Variants in GABBR2 observed in about 807,000 individuals in gnomAD.
The protein encoded by GABBR2 is gamma-aminobutyric acid type B receptor subunit 2.
A neutral mutation model predicts 105.6 loss-of-function variants in GABBR2; 23 were observed. The observed-to-expected ratio is 0.22, with a 90% CI of 0.16 to 0.31. GABBR2 has a LOEUF of 0.31. Among genes scored for constraint, GABBR2 ranks in the 10% least tolerant of loss-of-function variants. GABBR2 has a pLI of 1.00. For synonymous variants in GABBR2, 478 were observed against 499.7 expected, an observed-to-expected ratio of 0.96 and a Z score of 0.58; for missense variants, 734 against 1,245.5, an observed-to-expected ratio of 0.59 and a Z score of 6.18.
chr9:98,483,810 C>T (rs1826982831), intron 4 of GABBR2, among the ~76,000 whole-genome samples: 1 of 152,174 alleles, frequency 6.6e-6, no homozygotes, highest in South Asian at 2.1e-4. Flanking sequence ...GCCACTTCTT[C>T]CTCTGTGAGC....
chr9:98,546,694 A>G lies in GABBR2; in HGVS notation c.460-4651T>C, dbSNP rs187544079. On this transcript the variant is annotated intron_variant, in intron 2 of 18. Coordinates refer to ENST00000259455, the MANE Select transcript of GABBR2 (RefSeq NM_005458.8). ...GTTTTTAAATACACATCTTGAAAAGAGCATATGGACAGATTTTAAAATATG... is the reference window on the plus strand; with the variant it reads ...GTTTTTAAATACACATCTTGAAAAGGGCATATGGACAGATTTTAAAATATG... Among the ~76,000 whole-genome samples, 52 of 152,322 alleles carry G rather than the reference A, an allele frequency of 3.4e-4. 1 individual carries two copies. In the East Asian group the frequency reaches 9.6e-3, roughly 28 times the overall value.
intron 7 of GABBR2, among the ~76,000 whole-genome samples, chr9:98,418,286 C>T (rs1414802211): frequency 3.3e-5 from 5 of 152,038 alleles, no homozygotes; most frequent in African/African-American, 1.2e-4. Flanking sequence ...TGCCTGTAAT[C>T]CCAGCATTTT....
At chr9:98,571,799 T>C (rs560267131) in intron 2 of GABBR2, among the ~76,000 whole-genome samples, 35 of 152,306 alleles carry the variant, frequency 2.3e-4, no homozygotes, top group Admixed American at 4.6e-4. Context: ...TGCTCCATGC[T>C]GGAAGCTTCC....
chr9:98,317,158 G>A (rs1830732499), intron 13 of GABBR2, among the ~76,000 whole-genome samples: 1 of 152,242 alleles, frequency 6.6e-6, no homozygotes, highest in African/African-American at 2.4e-5. Context: ...CTGAACTCAG[G>A]CTGATAAAAT....
intron 12 of GABBR2, among the ~76,000 whole-genome samples, chr9:98,368,567 T>A (rs1200782175): frequency 6.6e-6 from 1 of 152,198 alleles, no homozygotes; most frequent in Admixed American, 6.5e-5. Flanking sequence ...ACAACTGAAC[T>A]CCTGCCGTTT....
intron 9 of GABBR2, 146 bp downstream of exon 9, chr9:98,394,029 T>C (rs1832242310): frequency 1.6e-6 from 1 of 628,714 alleles, no homozygotes; most frequent in East Asian, 2.7e-5. Flanking sequence ...TGGAGCCCTG[T>C]GCTCAACGAT....
In GABBR2 at chr9:98,543,067, G is replaced by A. The variant is rs1478535473; in HGVS notation, c.460-1024C>T. Among the ~76,000 whole-genome samples the A allele has an allele frequency of 2.0e-5, 3 of 152,204 alleles. No individual in the cohort carries two copies. The South Asian group carries it at 6.2e-4, about 32-fold the overall frequency. On this transcript the variant is annotated intron_variant, in intron 2 of 18. Transcript: ENST00000259455. ...TTTTAATTTACACTCGATAGTCAAA[G>A]CTGTCCATCGTTCTCTTTATTATTT...
chr9:98,489,768 C>A (rs1014849893), intron 4 of GABBR2, among the ~76,000 whole-genome samples: 2 of 152,004 alleles, frequency 1.3e-5, no homozygotes, highest in Non-Finnish European at 2.9e-5. Context: ...AAGGCAGGGA[C>A]GGAGTCCAAC....
chr9:98,423,331 G>A (rs902371729), intron 7 of GABBR2, among the ~76,000 whole-genome samples: 24 of 152,152 alleles, frequency 1.6e-4, no homozygotes, highest in African/African-American at 5.6e-4. Flanking sequence ...ATCTCATTGT[G>A]GTTTTGATTT....
intron 7 of GABBR2, among the ~76,000 whole-genome samples, chr9:98,437,110 C>T (rs12349881): frequency 0.047 from 7,178 of 152,170 alleles, 300 homozygotes; most frequent in East Asian, 0.19. Flanking sequence ...AAGATGAGAC[C>T]TCACATCAGA....
At chr9:98,657,395 G>T (rs971624992) in intron 1 of GABBR2, among the ~76,000 whole-genome samples, 3 of 152,190 alleles carry the variant, frequency 2.0e-5, no homozygotes, top group African/African-American at 7.2e-5. Flanking sequence ...AACCCTCCCA[G>T]CAGGCGTTAA....
At chr9:98,315,773 G>A (rs889875591) in intron 13 of GABBR2, among the ~76,000 whole-genome samples, 4 of 152,360 alleles carry the variant, frequency 2.6e-5, no homozygotes, top group Non-Finnish European at 4.4e-5. Context: ...CCCTCTGCTG[G>A]GGACACAGAA....
chr9:98,378,915 GTT>G (rs2131475230), intron 11 of GABBR2, among the ~76,000 whole-genome samples: 1 of 152,324 alleles, frequency 6.6e-6, no homozygotes, highest in Non-Finnish European at 1.5e-5. Flanking sequence ...AGATAAAAGA[GTT>G]GGGGTGGTCA....
At chr9:98,451,039 C>A (rs538718945) in intron 7 of GABBR2, among the ~76,000 whole-genome samples, 1 of 152,274 alleles carries the variant, frequency 6.6e-6, no homozygotes, top group Non-Finnish European at 1.5e-5. Flanking sequence ...AACAGCCCTG[C>A]CAAAATGCTA....
chr9:98,461,982 T>C (rs1432294440), intron 6 of GABBR2, among the ~76,000 whole-genome samples: 2 of 152,190 alleles, frequency 1.3e-5, no homozygotes, highest in African/African-American at 4.8e-5. Context: ...TCCACTCCCA[T>C]GATCCCATCA....
chr9:98,682,070 A>G (rs1830556612), intron 1 of GABBR2, among the ~76,000 whole-genome samples: 1 of 151,954 alleles, frequency 6.6e-6, no homozygotes, highest in Admixed American at 6.6e-5. Context: ...ACTCATCTCT[A>G]CTAAAAATCA....
intron 1 of GABBR2, chr9:98,581,009 T>G (rs1029462743): frequency 5.9e-5 from 9 of 152,290 alleles, no homozygotes; most frequent in African/African-American, 2.2e-4. Flanking sequence ...TCCTCTGATC[T>G]GTGACCCATG....
chr9:98,460,193 G>A lies in GABBR2; in HGVS notation c.1000-5976C>T, dbSNP rs568199901. Among the ~76,000 whole-genome samples, 38 of 152,222 alleles carry A rather than the reference G, an allele frequency of 2.5e-4. 1 individual carries two copies. In the East Asian group the frequency reaches 6.8e-3, roughly 27 times the overall value. Reference sequence around the variant, plus strand: ...GGCTGAGGTGGGCAGATCACCTGAGGTCAGGAGTTCAAGACCAGCCTGGCC... The same window carrying A: ...GGCTGAGGTGGGCAGATCACCTGAGATCAGGAGTTCAAGACCAGCCTGGCC... On this transcript the variant is annotated intron_variant, in intron 6 of 18. Transcript: ENST00000259455.
chr9:98,639,070 G>A lies in GABBR2; in HGVS notation c.322-60998C>T, dbSNP rs147877053. Reference sequence around the variant, plus strand: ...ATTGGGCCACAAGAAATAGCAGCCCGATACTTAGTTTGGTCCAGGAACACC... The same window carrying A: ...ATTGGGCCACAAGAAATAGCAGCCCAATACTTAGTTTGGTCCAGGAACACC... On this transcript the variant is annotated intron_variant, in intron 1 of 18. Transcript: ENST00000259455. Among the ~76,000 whole-genome samples, 53 of 152,254 alleles carry A rather than the reference G, an allele frequency of 3.5e-4. No individual in the cohort carries two copies. The East Asian group carries it at 7.0e-3, about 20-fold the overall frequency.
Sources: gnomAD v4.1 joint callset for allele counts (sites outside exome capture counted in the v4.1 genomes callset) on GRCh38, gnomAD v4.1.1 for gene constraint, MANE v1.5 for transcripts, NCBI Gene and HGNC (gene_info 2026-07-23, HGNC 2026-07-21) for gene names.